Variants in RERE observed in about 807,000 individuals in gnomAD.
RERE encodes the protein arginine-glutamic acid dipeptide repeats.
A neutral mutation model predicts 146.1 loss-of-function variants in RERE; 40 were observed. That is an observed-to-expected ratio of 0.27 (90% confidence interval 0.21 to 0.36). The LOEUF (loss-of-function observed/expected upper bound fraction) is 0.36, where lower values mean the gene tolerates loss of function less well. RERE is among the 10% of genes least tolerant of loss of function. The pLI, the probability that RERE is intolerant of heterozygous loss-of-function variation, is 1.00. For synonymous variants in RERE, 1,003 were observed against 866.0 expected, an observed-to-expected ratio of 1.16 and a Z score of -2.78; for missense variants, 1,933 against 2,138.7, an observed-to-expected ratio of 0.90 and a Z score of 1.90.
At chr1:8,638,783 A>ATTTTT (rs34276909) in intron 2 of RERE, among the ~76,000 whole-genome samples, 3 of 100,336 alleles carry the variant, frequency 3.0e-5, no homozygotes, top group South Asian at 3.2e-4. Flanking sequence ...ACGAAAAAAA[A>ATTTTT]TTTTTTTTTT....
chr1:8,771,348 C>G (rs1640944982), intron 1 of RERE, among the ~76,000 whole-genome samples: 1 of 151,492 alleles, frequency 6.6e-6, no homozygotes, highest in Non-Finnish European at 1.5e-5. Context: ...ATGACAAAAC[C>G]CCATCTCTAC....
At chr1:8,789,602 T>C (rs1043365748) in intron 1 of RERE, among the ~76,000 whole-genome samples, 1 of 152,000 alleles carries the variant, frequency 6.6e-6, no homozygotes, top group South Asian at 2.1e-4. Context: ...TGCTACCTTA[T>C]TACCTCGCCC....
At chr1:8,355,209 G>A (rs1641242559) in intron 22 of RERE, 89 bp from the exon 23 acceptor site, 1 of 1,416,442 alleles carries the variant, frequency 7.1e-7, no homozygotes, top group Non-Finnish European at 1.0e-6. Flanking sequence ...ACAACAGCCA[G>A]GCAATCCAAC....
chr1:8,694,589 T>A (rs936857643), intron 1 of RERE, among the ~76,000 whole-genome samples: 1 of 151,998 alleles, frequency 6.6e-6, no homozygotes, highest in African/African-American at 2.4e-5. Flanking sequence ...TGAAACCCCA[T>A]CTCTACTAAA....
intron 1 of RERE, among the ~76,000 whole-genome samples, chr1:8,775,384 C>G (rs748469574): frequency 6.6e-6 from 1 of 152,048 alleles, no homozygotes; most frequent in Non-Finnish European, 1.5e-5. Context: ...CCAGCCTGGG[C>G]AAGAAAGTAA....
At chr1:8,796,154 AGATCTCATCTT>A (rs1429342360) in intron 1 of RERE, among the ~76,000 whole-genome samples, 1 of 152,162 alleles carries the variant, frequency 6.6e-6, no homozygotes, top group African/African-American at 2.4e-5. Context: ...CCCAGATCTC[AGATCTCATCTT>A]GATTCAAATG....
intron 12 of RERE, among the ~76,000 whole-genome samples, chr1:8,399,393 T>A (rs539065340): frequency 6.6e-6 from 1 of 152,306 alleles, no homozygotes; most frequent in African/African-American, 2.4e-5. Flanking sequence ...TTTATTTTGT[T>A]CCCATATGCC....
At chr1:8,648,785 TAA>T (rs760589068) in intron 2 of RERE, among the ~76,000 whole-genome samples, 11 of 152,066 alleles carry the variant, frequency 7.2e-5, no homozygotes, top group Non-Finnish European at 1.5e-4. Context: ...CTTATATACA[TAA>T]ATACATGTTT....
At chr1:8,687,676 A>C (rs1213157613) in intron 1 of RERE, among the ~76,000 whole-genome samples, 5 of 152,240 alleles carry the variant, frequency 3.3e-5, no homozygotes, top group Non-Finnish European at 7.3e-5. Context: ...AAGAGATTAC[A>C]TCCCATTTTC....
At position 8,356,036 on chromosome 1, in the gene RERE, GCAGAC is replaced by G; in HGVS notation, c.4486+59_4486+63del. The G allele has an allele frequency of 2.1e-6, 3 of 1,430,994 alleles. No homozygotes were observed. The highest frequency in any genetic ancestry group is 2.8e-6 in the Non-Finnish European group (3 of 1,084,252). The allele number at this position is 1,430,994 out of a possible 1,614,324, so 88.6% of individuals were successfully genotyped here. On this transcript the variant is annotated intron_variant, in intron 21 of 22. Coordinates refer to ENST00000400908, the MANE Select transcript of RERE (RefSeq NM_001042681.2). This position sits in a 1 kb window ranked among gnomAD's most constrained non-coding sequence, Gnocchi z 5.2. The stretch of plus-strand genomic sequence containing the variant: ...AATGAATGAGTAATGAATGAAGACA[GCAGAC>G]CAGACCCCAACCCAACCCTCACACG...
At chr1:8,686,869 G>A (rs999418323) in intron 1 of RERE, among the ~76,000 whole-genome samples, 14 of 152,290 alleles carry the variant, frequency 9.2e-5, no homozygotes, top group South Asian at 2.1e-4. Context: ...ACTGAGACTC[G>A]AAAGCGGGAC....
chr1:8,541,083 G>A (rs1645794429), intron 7 of RERE, 131 bp downstream of exon 7: 1 of 438,778 alleles, frequency 2.3e-6, no homozygotes, highest in Non-Finnish European at 4.1e-6. Flanking sequence ...AAGGACTCTG[G>A]AGTCATTTTT....
intron 12 of RERE, among the ~76,000 whole-genome samples, chr1:8,401,041 A>C (rs994468613): frequency 0.36 from 13,541 of 37,108 alleles, 2,385 homozygotes; most frequent in Admixed American, 0.45. Context: ...AAAAAACCAT[A>C]TATATATATA....
At chr1:8,507,046 T>C (rs1371155167) in intron 8 of RERE, among the ~76,000 whole-genome samples, 3 of 152,166 alleles carry the variant, frequency 2.0e-5, no homozygotes, top group Non-Finnish European at 4.4e-5. Context: ...GACCAGGATG[T>C]CATGACATGG....
At chr1:8,358,107 A>G in intron 20 of RERE, 89 bp downstream of exon 20, 1 of 1,511,252 alleles carries the variant, frequency 6.6e-7, no homozygotes, top group South Asian at 1.3e-5. Flanking sequence ...AGAAAAGAAC[A>G]GTTTCCGCTC....
At chr1:8,706,267 A>G (rs1010705402) in intron 1 of RERE, among the ~76,000 whole-genome samples, 2 of 152,112 alleles carry the variant, frequency 1.3e-5, no homozygotes, top group African/African-American at 4.8e-5. Flanking sequence ...CAGCAACATA[A>G]CAAGACTCAG....
chr1:8,637,723 C>T (rs1647119873), intron 2 of RERE, among the ~76,000 whole-genome samples: 1 of 152,208 alleles, frequency 6.6e-6, no homozygotes, highest in South Asian at 2.1e-4. Context: ...GTTCTATTGA[C>T]ACAACATTTC....
intron 11 of RERE, among the ~76,000 whole-genome samples, chr1:8,447,034 T>C (rs1644331193): frequency 6.6e-6 from 1 of 151,600 alleles, no homozygotes; most frequent in African/African-American, 2.4e-5. Flanking sequence ...TTTACTTCAT[T>C]AAGCTGATCT....
At chr1:8,504,582 G>A (rs763526513) in intron 8 of RERE, among the ~76,000 whole-genome samples, 9 of 152,110 alleles carry the variant, frequency 5.9e-5, no homozygotes, top group Non-Finnish European at 1.0e-4. Context: ...GGCCAGGCGC[G>A]GTGGCTCAGG....
Sources: allele counts gnomAD v4.1 joint callset (sites outside exome capture counted in the v4.1 genomes callset), GRCh38; gene constraint gnomAD v4.1.1; non-coding constraint Gnocchi (gnomAD v3.1); transcripts MANE v1.5; gene names NCBI Gene and HGNC (gene_info 2026-07-23, HGNC 2026-07-21).